MBD5: variants seen among roughly 807,000 people sequenced by gnomAD.
MBD5 encodes methyl-CpG-binding domain protein 5.
Under a neutral mutation model 117.3 loss-of-function variants are expected in MBD5, and 13 were observed. The observed-to-expected ratio is 0.11, with a 90% confidence interval of 0.07 to 0.18. The LOEUF (loss-of-function observed/expected upper bound fraction) is 0.18. Among genes scored for constraint, MBD5 ranks in the 10% least tolerant of loss-of-function variants. MBD5 has a pLI of 1.00. For missense variants in MBD5, 1,879 were observed against 2,093.8 expected (o/e 0.90, Z 2.00); for synonymous variants, 727 against 766.4 (o/e 0.95, Z 0.85).
intron 5 of MBD5, among the ~76,000 whole-genome samples, chr2:148,461,716 T>C (rs1276806982): frequency 6.6e-6 from 1 of 152,204 alleles, no homozygotes; most frequent in Non-Finnish European, 1.5e-5. Context: ...AAAATGCAGA[T>C]TGTCCATCTC....
At chr2:148,418,161 G>A (rs1705482479) in intron 4 of MBD5, among the ~76,000 whole-genome samples, 1 of 152,004 alleles carries the variant, frequency 6.6e-6, no homozygotes, top group Admixed American at 6.6e-5. Context: ...TTTTCTTGCT[G>A]CTTTGAGTTT....
chr2:148,321,735 C>A (rs10172459), intron 3 of MBD5, among the ~76,000 whole-genome samples: 1 of 152,040 alleles, frequency 6.6e-6, no homozygotes, highest in Non-Finnish European at 1.5e-5. Context: ...TCTCTTTCCT[C>A]TATTTCTATA....
chr2:148,402,816 T>C (rs529024667), intron 4 of MBD5, among the ~76,000 whole-genome samples: 2 of 152,340 alleles, frequency 1.3e-5, no homozygotes, highest in South Asian at 4.1e-4. Context: ...AAATGGCTAT[T>C]CTGGCTTTCT....
At chr2:148,240,135 G>C (rs977672286) in intron 3 of MBD5, among the ~76,000 whole-genome samples, 3 of 152,122 alleles carry the variant, frequency 2.0e-5, no homozygotes, top group African/African-American at 7.2e-5. Flanking sequence ...GATGAAGCTG[G>C]AAACCATTAT....
At chr2:148,419,611 T>C (rs1023676880) in intron 4 of MBD5, among the ~76,000 whole-genome samples, 5 of 152,162 alleles carry the variant, frequency 3.3e-5, no homozygotes, top group Admixed American at 2.0e-4. Context: ...GTGGCCACTC[T>C]CTTGTTACAC....
In MBD5 at chr2:148,469,947, T is replaced by C. The variant is rs1451790598; in HGVS notation, c.2004T>C (p.Ser668=). Residue 668 remains serine, a synonymous_variant, in exon 8 of 14, where the codon AGT becomes AGC. Coordinates refer to ENST00000642680, the MANE Select transcript of MBD5 (RefSeq NM_001378120.1). ...KRKQPPTTVL[S]LLRQSQMDSS... is the part of the protein sequence containing the mutation. The stretch of plus-strand genomic sequence containing the variant: ...AACAACCACCTACGACAGTGTTGAG[T>C]TTGCTCAGACAGTCTCAAATGGATA... 3.7e-6 allele frequency: 6 copies of C among 1,613,944 alleles called. No individual in the cohort carries two copies. Among genetic ancestry groups the C allele is most frequent in the African/African-American group, 1.3e-5 (1 of 75,004 alleles).
chr2:148,201,153 GC>G (rs1368933033), intron 2 of MBD5, among the ~76,000 whole-genome samples: 1 of 152,146 alleles, frequency 6.6e-6, no homozygotes, highest in Non-Finnish European at 1.5e-5. Context: ...TGCCTGGCTT[GC>G]CCCCCAGCAT....
intron 1 of MBD5, among the ~76,000 whole-genome samples, chr2:148,101,101 G>T (rs1486701651): frequency 1.3e-5 from 2 of 152,024 alleles, no homozygotes; most frequent in Admixed American, 6.6e-5. Context: ...AAGGTATATT[G>T]TAAATTTTTT....
intron 3 of MBD5, among the ~76,000 whole-genome samples, chr2:148,287,002 C>G (rs1701382513): frequency 6.6e-6 from 1 of 152,118 alleles, no homozygotes; most frequent in African/African-American, 2.4e-5. Flanking sequence ...ACATCTTGCC[C>G]TTATTGTTTA....
At chr2:148,380,804 C>T (rs980051162) in intron 4 of MBD5, among the ~76,000 whole-genome samples, 1 of 152,162 alleles carries the variant, frequency 6.6e-6, no homozygotes, top group African/African-American at 2.4e-5. Context: ...GCAGCATTTG[C>T]AGTTCACCAA....
intron 3 of MBD5, among the ~76,000 whole-genome samples, chr2:148,247,892 A>G (rs1388980291): frequency 6.6e-6 from 1 of 152,188 alleles, no homozygotes; most frequent in Non-Finnish European, 1.5e-5. Flanking sequence ...AGGTACCCTG[A>G]CATCTCATGA....
chr2:148,214,414 A>G (rs750889201), intron 2 of MBD5, among the ~76,000 whole-genome samples: 15 of 152,362 alleles, frequency 9.8e-5, no homozygotes, highest in African/African-American at 3.4e-4. Flanking sequence ...TGTAAAAACA[A>G]TTCACACAGG....
chr2:148,320,688 T>C (rs1702262206), intron 3 of MBD5, among the ~76,000 whole-genome samples: 1 of 152,164 alleles, frequency 6.6e-6, no homozygotes, highest in African/African-American at 2.4e-5. Flanking sequence ...ACTGACTTAA[T>C]CTTGCTGTTC....
chr2:148,112,554 C>G (rs117833467), intron 1 of MBD5, among the ~76,000 whole-genome samples: 1 of 152,124 alleles, frequency 6.6e-6, no homozygotes, highest in East Asian at 1.9e-4. Flanking sequence ...TCACATGAGC[C>G]TCTTTGCAGT....
chr2:148,095,026 G>A (rs950899707), intron 1 of MBD5, among the ~76,000 whole-genome samples: 1 of 152,102 alleles, frequency 6.6e-6, no homozygotes, highest in African/African-American at 2.4e-5. Flanking sequence ...ATTATTGGAA[G>A]CTAGCAGGGT....
At chr2:148,211,607 C>A (rs1327891104) in intron 2 of MBD5, among the ~76,000 whole-genome samples, 1 of 151,968 alleles carries the variant, frequency 6.6e-6, no homozygotes, top group African/African-American at 2.4e-5. Flanking sequence ...CTGAGGAACT[C>A]TTTTACAATT....
chr2:148,258,413 G>C lies in MBD5; in HGVS notation c.-680+25018G>C, dbSNP rs145132880. On this transcript the variant is annotated intron_variant, in intron 3 of 13. Coordinates refer to ENST00000642680, the MANE Select transcript of MBD5 (RefSeq NM_001378120.1). ...ACTTATTCAGGTTCCCATAAAGAAGGCTGCAATCTGCACCGGTATCCACCA... is the reference window on the plus strand; with the variant it reads ...ACTTATTCAGGTTCCCATAAAGAAGCCTGCAATCTGCACCGGTATCCACCA... 2.8e-3 allele frequency among the ~76,000 whole-genome samples: 420 copies of C among 152,162 alleles called. 1 individual carries two copies. The highest frequency in any genetic ancestry group is 9.8e-3 in the African/African-American group (405 of 41,528).
At chr2:148,325,625 A>T (rs551301153) in intron 3 of MBD5, among the ~76,000 whole-genome samples, 12 of 152,126 alleles carry the variant, frequency 7.9e-5, no homozygotes, top group African/African-American at 2.4e-4. Context: ...ATTTGCGTAG[A>T]GGTGTTTGTA....
intron 3 of MBD5, among the ~76,000 whole-genome samples, chr2:148,237,717 G>A (rs1189692330): frequency 2.0e-5 from 3 of 152,096 alleles, no homozygotes; most frequent in East Asian, 1.9e-4. Flanking sequence ...GTGTGAAAAC[G>A]GCACCGATGG....
Sources: allele counts gnomAD v4.1 joint callset (sites outside exome capture counted in the v4.1 genomes callset), GRCh38; gene constraint gnomAD v4.1.1; transcripts MANE v1.5; gene names NCBI Gene and HGNC (gene_info 2026-07-23, HGNC 2026-07-21).